SMYD3: variants seen among roughly 807,000 people sequenced by gnomAD.
The protein encoded by SMYD3 is histone-lysine N-methyltransferase SMYD3.
A neutral mutation model predicts 57.7 loss-of-function variants in SMYD3; 36 were observed. That is an observed-to-expected ratio of 0.62 (90% confidence interval 0.48 to 0.82). The LOEUF (loss-of-function observed/expected upper bound fraction) is 0.82, where lower values mean the gene tolerates loss of function less well. Among genes scored for constraint, SMYD3 ranks in the 40% least tolerant of loss-of-function variants. The pLI is 0.00. For synonymous variants in SMYD3, 211 were observed against 195.0 expected (o/e 1.08, Z -0.68); for missense variants, 515 against 538.8 (o/e 0.96, Z 0.44).
intron 5 of SMYD3, among the ~76,000 whole-genome samples, chr1:246,233,852 C>T (rs1186666966): frequency 7.4e-6 from 1 of 134,576 alleles, no homozygotes. Context: ...CAGTGATGAA[C>T]ATATACCACA....
chr1:245,760,742 G>A (rs1048753580), intron 11 of SMYD3, among the ~76,000 whole-genome samples: 7 of 152,036 alleles, frequency 4.6e-5, no homozygotes, highest in African/African-American at 9.7e-5. Flanking sequence ...AAACACTGCT[G>A]GGGAGCAGTC....
rs145051643 is a variant in SMYD3, at chr1:246,375,722, ATTG to A, written c.165-20631_165-20629del. ...GAACTGGCTAAAATCTAATTTTTTT[ATTG>A]TTGTTGTTTTTGTTTTTGTTTTGAG... On this transcript the variant is annotated intron_variant, in intron 1 of 11. Transcript: ENST00000490107. 1.1e-3 allele frequency among the ~76,000 whole-genome samples: 164 copies of A among 152,086 alleles called. 2 individuals are homozygous for A. The East Asian group carries it at 0.026, about 24-fold the overall frequency.
chr1:246,368,157 A>C (rs1197263010), intron 1 of SMYD3, among the ~76,000 whole-genome samples: 10 of 152,354 alleles, frequency 6.6e-5, no homozygotes, highest in Middle Eastern at 3.4e-3. Flanking sequence ...CCAGTATACA[A>C]ATTAAAAACT....
intron 9 of SMYD3, among the ~76,000 whole-genome samples, chr1:245,859,448 C>T (rs2051420130): frequency 6.6e-6 from 1 of 152,322 alleles, no homozygotes. Flanking sequence ...GAGTCAGTAA[C>T]TTCATCTCAT....
chr1:246,419,374 C>A (rs548222412), intron 1 of SMYD3, among the ~76,000 whole-genome samples: 1 of 152,214 alleles, frequency 6.6e-6, no homozygotes, highest in Non-Finnish European at 1.5e-5. Context: ...CACGTCCTCC[C>A]GATGTCCGGC....
intron 1 of SMYD3, among the ~76,000 whole-genome samples, chr1:246,401,339 C>CT (rs34797156): frequency 0.016 from 2,355 of 147,006 alleles, 47 homozygotes; most frequent in African/African-American, 0.049. Context: ...TCTATTTAAA[C>CT]TTTTTTTTTT....
At chr1:246,170,652 T>C (rs1412076536) in intron 5 of SMYD3, among the ~76,000 whole-genome samples, 1 of 152,178 alleles carries the variant, frequency 6.6e-6, no homozygotes, top group Non-Finnish European at 1.5e-5. Context: ...CCCTAAGATT[T>C]GGGCATTAAC....
intron 1 of SMYD3, among the ~76,000 whole-genome samples, chr1:246,362,467 G>A (rs1218440689): frequency 7.6e-6 from 1 of 131,146 alleles, no homozygotes; most frequent in Non-Finnish European, 1.6e-5. Context: ...CCCTCTCCAC[G>A]GTCTCCCTCT....
At chr1:246,076,861 A>G (rs965013829) in intron 5 of SMYD3, among the ~76,000 whole-genome samples, 1 of 152,244 alleles carries the variant, frequency 6.6e-6, no homozygotes, top group Non-Finnish European at 1.5e-5. Flanking sequence ...GATAAATAAG[A>G]TGGCCCCTTA....
intron 5 of SMYD3, among the ~76,000 whole-genome samples, chr1:246,008,278 C>G (rs1407565586): frequency 6.6e-6 from 1 of 151,462 alleles, no homozygotes; most frequent in Non-Finnish European, 1.5e-5. Flanking sequence ...TCCTTATCCA[C>G]AGACGCACAG....
chr1:245,942,886 T>G (rs1422110524), intron 5 of SMYD3, among the ~76,000 whole-genome samples: 1 of 152,120 alleles, frequency 6.6e-6, no homozygotes, highest in Non-Finnish European at 1.5e-5. Flanking sequence ...GAATGACTCC[T>G]GGGTAAATAA....
intron 1 of SMYD3, among the ~76,000 whole-genome samples, chr1:246,426,423 C>T (rs1645257305): frequency 6.6e-6 from 1 of 152,106 alleles, no homozygotes; most frequent in Admixed American, 6.5e-5. Context: ...TACCCCATCT[C>T]GACCTCCCAG....
intron 5 of SMYD3, among the ~76,000 whole-genome samples, chr1:245,933,700 A>C (rs1300657898): frequency 6.6e-6 from 1 of 152,194 alleles, no homozygotes; most frequent in African/African-American, 2.4e-5. Flanking sequence ...CCAACACACA[A>C]AGTGAATACC....
chr1:246,391,277 G>C (rs945360171), intron 1 of SMYD3, among the ~76,000 whole-genome samples: 2 of 150,494 alleles, frequency 1.3e-5, no homozygotes, highest in Non-Finnish European at 2.9e-5. Flanking sequence ...ATACATGGGA[G>C]GCTTAAGTAG....
rs111902926 is a variant in SMYD3, at chr1:245,823,668, C to G, written c.1076+34828G>C. On this transcript the variant is annotated intron_variant, in intron 10 of 11. Coordinates refer to ENST00000490107, the MANE Select transcript of SMYD3 (RefSeq NM_001167740.2). Reference sequence around the variant, plus strand: ...TCATCTGTTTTTCCCACAAGTCGTTCAATTCAGTTGTTGGGCAACCGTTCA... The same window carrying G: ...TCATCTGTTTTTCCCACAAGTCGTTGAATTCAGTTGTTGGGCAACCGTTCA... Among the ~76,000 whole-genome samples the G allele has an allele frequency of 7.1e-3, 1,076 of 152,276 alleles. 9 individuals are homozygous for G. The highest frequency in any genetic ancestry group is 0.024 in the African/African-American group (1,010 of 41,546).
intron 11 of SMYD3, among the ~76,000 whole-genome samples, chr1:245,759,591 A>T (rs1160806153): frequency 6.6e-6 from 1 of 152,244 alleles, no homozygotes; most frequent in Non-Finnish European, 1.5e-5. Flanking sequence ...TAAATCAGCC[A>T]TTGCTGGGGC....
intron 1 of SMYD3, among the ~76,000 whole-genome samples, chr1:246,397,107 T>C (rs996487862): frequency 2.0e-5 from 3 of 152,218 alleles, no homozygotes; most frequent in African/African-American, 7.2e-5. Flanking sequence ...GTCTGTTGCC[T>C]GTTAGAAACC....
intron 8 of SMYD3, among the ~76,000 whole-genome samples, chr1:245,877,256 C>A (rs1346210512): frequency 1.3e-5 from 2 of 152,126 alleles, no homozygotes; most frequent in Non-Finnish European, 2.9e-5. Context: ...TGAAGGGCTA[C>A]TTCAGAATGA....
chr1:246,296,866 AT>A (rs2064804544), intron 5 of SMYD3, among the ~76,000 whole-genome samples: 1 of 152,180 alleles, frequency 6.6e-6, no homozygotes, highest in African/African-American at 2.4e-5. Flanking sequence ...CAGATAACAT[AT>A]TTTTGTTGAG....
Sources: allele counts gnomAD v4.1 joint callset (sites outside exome capture counted in the v4.1 genomes callset), GRCh38; gene constraint gnomAD v4.1.1; transcripts MANE v1.5; gene names NCBI Gene and HGNC (gene_info 2026-07-23, HGNC 2026-07-21).